GPC5: variants seen among roughly 807,000 people sequenced by gnomAD.
GPC5 encodes glypican-5.
A neutral mutation model predicts 53.9 loss-of-function variants in GPC5; 47 were observed. The ratio of observed to expected loss-of-function variants is 0.87; its 90% confidence interval spans 0.69 to 1.11. GPC5 has a LOEUF of 1.11. GPC5 is among the 50% of genes most tolerant of loss of function. The probability of loss-of-function intolerance (pLI) is 0.00; values close to 1 mark genes in which losing one functional copy is unlikely to be tolerated. For synonymous variants in GPC5, 286 were observed against 263.3 expected (o/e 1.09, Z -0.84); for missense variants, 748 against 713.1 (o/e 1.05, Z -0.56).
At chr13:91,586,529 T>TATATATAC (rs2032583513) in intron 2 of GPC5, among the ~76,000 whole-genome samples, 1 of 37,444 alleles carries the variant, frequency 2.7e-5, no homozygotes, top group Admixed American at 2.7e-4. Flanking sequence ...TATATATATA[T>TATATATAC]ATATATATAT....
In GPC5 at chr13:91,398,878, G is replaced by T. The variant is rs1876680053; in HGVS notation, c.-169G>T. On this transcript the variant is annotated 5_prime_UTR_variant, in exon 1 of 8. Transcript: ENST00000377067. ...CAGCTTAGGGCCTCCTCCGGGAAGA[G>T]CTAACTGCTCCCAGGTGAAGCCGGT... 1 of 717,786 alleles carries T rather than the reference G, an allele frequency of 1.4e-6. No individual in the cohort carries two copies. The highest frequency in any genetic ancestry group is 1.8e-5 in the African/African-American group (1 of 54,438). The allele number at this position is 717,786 out of a possible 1,614,324, so 44.5% of individuals were successfully genotyped here.
intron 7 of GPC5, among the ~76,000 whole-genome samples, chr13:92,622,405 A>T (rs1216083825): frequency 2.6e-5 from 4 of 152,086 alleles, no homozygotes; most frequent in South Asian, 2.1e-4. Context: ...CCTTTCTACA[A>T]CTTTATAAAT....
intron 2 of GPC5, 68 bp from the exon 3 acceptor site, chr13:91,693,119 T>C: frequency 2.7e-6 from 3 of 1,122,120 alleles, no homozygotes; most frequent in Non-Finnish European, 3.9e-6. Flanking sequence ...ATTTAATGTC[T>C]GGAGCAGATG....
rs572163653 is a variant in GPC5, at chr13:92,286,031, C to G, written c.1561+141042C>G. ...TAATATCCAGAATCTACAAAGAACT[C>G]AAAGAAATTTACAAGAAAAAAGCAA... On this transcript the variant is annotated intron_variant, in intron 7 of 7. Transcript: ENST00000377067. 8.5e-5 allele frequency among the ~76,000 whole-genome samples: 13 copies of G among 152,074 alleles called. No individual in the cohort carries two copies. The South Asian group carries it at 1.2e-3, about 15-fold the overall frequency.
At chr13:91,772,057 C>T (rs955856516) in intron 5 of GPC5, among the ~76,000 whole-genome samples, 2 of 152,132 alleles carry the variant, frequency 1.3e-5, no homozygotes, top group Non-Finnish European at 2.9e-5. Context: ...CACTGCTTGC[C>T]AACCTTTGTG....
intron 7 of GPC5, among the ~76,000 whole-genome samples, chr13:92,429,868 A>G (rs555098520): frequency 1.3e-5 from 2 of 152,244 alleles, no homozygotes; most frequent in East Asian, 3.9e-4. Context: ...CAAGGAATAT[A>G]AACTTTGAGA....
At chr13:92,543,620 T>A (rs1169581077) in intron 7 of GPC5, among the ~76,000 whole-genome samples, 1 of 151,966 alleles carries the variant, frequency 6.6e-6, no homozygotes, top group African/African-American at 2.4e-5. Context: ...GGTACAAGAT[T>A]TACTGGGAAG....
chr13:92,856,689 A>G (rs1879011060), intron 7 of GPC5, among the ~76,000 whole-genome samples: 1 of 152,138 alleles, frequency 6.6e-6, no homozygotes, highest in Non-Finnish European at 1.5e-5. Context: ...TATACTAATA[A>G]CATTCAAGCT....
intron 5 of GPC5, among the ~76,000 whole-genome samples, chr13:91,830,013 G>A (rs891858476): frequency 6.6e-6 from 1 of 152,064 alleles, no homozygotes. Context: ...ACAGGGTTTT[G>A]AGAGCAACCG....
intron 6 of GPC5, among the ~76,000 whole-genome samples, chr13:92,047,430 C>CTA (rs1555306863): frequency 0.45 from 45,621 of 100,510 alleles, 8,481 homozygotes; most frequent in East Asian, 0.72. Context: ...TCTTTTTAAA[C>CTA]TATATATATA....
intron 7 of GPC5, among the ~76,000 whole-genome samples, chr13:92,623,848 C>CTATTTATTTATT (rs66684933): frequency 6.7e-6 from 1 of 149,758 alleles, no homozygotes; most frequent in Non-Finnish European, 1.5e-5. Flanking sequence ...CTGATAGTGT[C>CTATTTATTTATT]TATTTATTTA....
At chr13:92,294,251 A>T (rs2043018013) in intron 7 of GPC5, among the ~76,000 whole-genome samples, 1 of 152,268 alleles carries the variant, frequency 6.6e-6, no homozygotes, top group South Asian at 2.1e-4. Flanking sequence ...CTTGTGGAAT[A>T]CTGTCAATAG....
chr13:92,480,796 TGAAGG>T (rs1046940976), intron 7 of GPC5, among the ~76,000 whole-genome samples: 22 of 152,252 alleles, frequency 1.4e-4, no homozygotes, highest in African/African-American at 4.8e-4. Context: ...GATCTGGAAA[TGAAGG>T]GATTAACCTG....
At chr13:92,634,588 C>T (rs955987891) in intron 7 of GPC5, among the ~76,000 whole-genome samples, 2 of 152,024 alleles carry the variant, frequency 1.3e-5, no homozygotes, top group African/African-American at 2.4e-5. Context: ...CCTGCCTAAC[C>T]GAAATTTTGT....
At chr13:92,367,663 A>C (rs536515816) in intron 7 of GPC5, among the ~76,000 whole-genome samples, 4 of 152,214 alleles carry the variant, frequency 2.6e-5, no homozygotes, top group Non-Finnish European at 5.9e-5. Flanking sequence ...TAAAAACTCT[A>C]AATTTATATC....
At chr13:92,418,545 G>A (rs1032650926) in intron 7 of GPC5, among the ~76,000 whole-genome samples, 9 of 152,228 alleles carry the variant, frequency 5.9e-5, no homozygotes, top group Admixed American at 3.3e-4. Flanking sequence ...TCATTAACTT[G>A]ATCAAATTCC....
chr13:91,540,626 C>T (rs1177487038), intron 2 of GPC5, among the ~76,000 whole-genome samples: 1 of 152,140 alleles, frequency 6.6e-6, no homozygotes, highest in Admixed American at 6.5e-5. Flanking sequence ...AATTATACTT[C>T]AATAAAGCAG....
intron 6 of GPC5, among the ~76,000 whole-genome samples, chr13:91,925,108 T>C (rs925943782): frequency 1.3e-5 from 2 of 152,198 alleles, no homozygotes; most frequent in Non-Finnish European, 2.9e-5. Flanking sequence ...CGTGAGCTAC[T>C]GTGCCCGGCC....
At chr13:91,451,120 AT>A (rs991570867) in intron 2 of GPC5, among the ~76,000 whole-genome samples, 22 of 152,072 alleles carry the variant, frequency 1.4e-4, no homozygotes, top group African/African-American at 4.8e-4. Flanking sequence ...CAGCCAACAC[AT>A]TTTTTTTGGG....
Sources: allele counts gnomAD v4.1 joint callset (sites outside exome capture counted in the v4.1 genomes callset), GRCh38; gene constraint gnomAD v4.1.1; transcripts MANE v1.5; gene names NCBI Gene and HGNC (gene_info 2026-07-23, HGNC 2026-07-21).